PTPRD: variants seen among roughly 807,000 people sequenced by gnomAD.
PTPRD encodes receptor-type tyrosine-protein phosphatase delta.
A neutral mutation model predicts 214.5 loss-of-function variants in PTPRD; 34 were observed. The ratio of observed to expected loss-of-function variants is 0.16; its 90% confidence interval spans 0.12 to 0.21. The LOEUF is 0.21. Among genes scored for constraint, PTPRD ranks in the 10% least tolerant of loss-of-function variants. The probability of loss-of-function intolerance (pLI) is 1.00; values close to 1 mark genes in which losing one functional copy is unlikely to be tolerated. For missense variants in PTPRD, 2,545 were observed against 2,398.7 expected (o/e 1.06, Z -1.27); for synonymous variants, 1,128 against 845.7 (o/e 1.33, Z -5.79).
chr9:9,377,965 A>G (rs1183686820), intron 9 of PTPRD, among the ~76,000 whole-genome samples: 1 of 152,126 alleles, frequency 6.6e-6, no homozygotes, highest in Non-Finnish European at 1.5e-5. Flanking sequence ...TTGAGAGGAA[A>G]GTACAGAGAT....
intron 2 of PTPRD, among the ~76,000 whole-genome samples, chr9:10,591,898 G>A (rs373536204): frequency 7.1e-4 from 108 of 152,206 alleles, no homozygotes; most frequent in African/African-American, 2.5e-3. Context: ...TCCAGACTGA[G>A]TCAGTCCTGA....
intron 3 of PTPRD, among the ~76,000 whole-genome samples, chr9:10,118,196 T>TTATC (rs56038500): frequency 0.29 from 43,168 of 148,728 alleles, 6,274 homozygotes; most frequent in Non-Finnish European, 0.31. Flanking sequence ...CTCACATTTA[T>TTATC]TATCTATCTA....
chr9:9,421,762 T>C (rs1423594196), intron 8 of PTPRD, among the ~76,000 whole-genome samples: 1 of 152,104 alleles, frequency 6.6e-6, no homozygotes, highest in African/African-American at 2.4e-5. Flanking sequence ...TTTGGTATTG[T>C]AGCTAATAGG....
intron 3 of PTPRD, among the ~76,000 whole-genome samples, chr9:10,216,569 G>T (rs945807585): frequency 6.6e-6 from 1 of 151,722 alleles, no homozygotes; most frequent in Non-Finnish European, 1.5e-5. Flanking sequence ...TATGATTTTT[G>T]TTTGGGTCAA....
At chr9:8,343,823 C>T (rs1353300765) in intron 39 of PTPRD, among the ~76,000 whole-genome samples, 2 of 152,048 alleles carry the variant, frequency 1.3e-5, no homozygotes, top group Non-Finnish European at 2.9e-5. Flanking sequence ...AAATTAGTGA[C>T]TGGCTTGAGA....
At position 8,884,075 on chromosome 9, in the gene PTPRD, A is replaced by AT. The variant is rs577501079; in HGVS notation, c.-104+134621dup. ...TATCACAAGTAAAATTCTTATCCCC[A>AT]TTTTACCAAAGGAGTAATTGAGGTT... is the stretch of plus-strand genomic sequence containing the variant. On this transcript the variant is annotated intron_variant, in intron 11 of 45. Coordinates refer to ENST00000381196, the MANE Select transcript of PTPRD (RefSeq NM_002839.4). Among the ~76,000 whole-genome samples the AT allele has an allele frequency of 7.9e-5, 12 of 152,278 alleles. No individual in the cohort carries two copies. In the East Asian group the frequency reaches 2.3e-3, roughly 29 times the overall value.
intron 11 of PTPRD, among the ~76,000 whole-genome samples, chr9:8,812,074 G>A (rs1187729408): frequency 1.3e-5 from 2 of 152,140 alleles, no homozygotes; most frequent in Non-Finnish European, 2.9e-5. Flanking sequence ...AGAGGAGCAG[G>A]CTGCATGTTC....
chr9:8,929,508 T>A (rs1466313623), intron 11 of PTPRD, among the ~76,000 whole-genome samples: 2 of 152,020 alleles, frequency 1.3e-5, no homozygotes, highest in East Asian at 3.9e-4. Flanking sequence ...TTTGCGTATG[T>A]TGAACCTGCC....
At chr9:9,434,070 C>A (rs543138216) in intron 8 of PTPRD, among the ~76,000 whole-genome samples, 1 of 152,226 alleles carries the variant, frequency 6.6e-6, no homozygotes, top group Non-Finnish European at 1.5e-5. Context: ...TGTCAGTCTG[C>A]GGTTTTGCAT....
At chr9:9,422,285 C>G (rs4537356) in intron 8 of PTPRD, among the ~76,000 whole-genome samples, 122,129 of 151,668 alleles carry the variant, frequency 0.81, 49,293 homozygotes, top group Non-Finnish European at 0.81. Flanking sequence ...CAGTTCTGTA[C>G]GATTTAATTC....
At chr9:10,304,348 G>A (rs565071723) in intron 3 of PTPRD, among the ~76,000 whole-genome samples, 30 of 152,184 alleles carry the variant, frequency 2.0e-4, no homozygotes, top group African/African-American at 6.7e-4. Flanking sequence ...TTTGAAAACC[G>A]GCACAAGACA....
At chr9:9,260,586 A>G (rs941273932) in intron 9 of PTPRD, among the ~76,000 whole-genome samples, 4 of 151,524 alleles carry the variant, frequency 2.6e-5, no homozygotes, top group African/African-American at 9.7e-5. Flanking sequence ...TTTGCATTTG[A>G]AAGAGTAGGG....
rs533581918 is a variant in PTPRD, at chr9:10,528,325, T to C, written c.-600+84073A>G. Among the ~76,000 whole-genome samples the C allele has an allele frequency of 2.9e-4, 44 of 152,240 alleles. No individual in the cohort carries two copies. The South Asian group carries it at 8.9e-3, about 31-fold the overall frequency. On this transcript the variant is annotated intron_variant, in intron 2 of 45. Transcript: ENST00000381196. ...TTCAAACTCTCTGGACCTCCCCATC[T>C]CCAGTTTCCACATCTGCTAATCTAC...
At chr9:8,844,763 G>C (rs957376572) in intron 11 of PTPRD, among the ~76,000 whole-genome samples, 1 of 152,276 alleles carries the variant, frequency 6.6e-6, no homozygotes, top group South Asian at 2.1e-4. Flanking sequence ...GAAATTACAT[G>C]AGCTCAATTA....
chr9:9,416,552 T>A (rs982172747), intron 8 of PTPRD, among the ~76,000 whole-genome samples: 1 of 152,130 alleles, frequency 6.6e-6, no homozygotes, highest in African/African-American at 2.4e-5. Context: ...TTTAAGGCTC[T>A]AACTTAGTTG....
intron 10 of PTPRD, among the ~76,000 whole-genome samples, chr9:9,057,294 A>G (rs1183126121): frequency 1.3e-5 from 2 of 152,158 alleles, no homozygotes; most frequent in East Asian, 1.9e-4. Context: ...TGGCAATGAT[A>G]TATTTTTTTT....
At chr9:8,791,897 G>A (rs1429529395) in intron 11 of PTPRD, among the ~76,000 whole-genome samples, 1 of 152,082 alleles carries the variant, frequency 6.6e-6, no homozygotes, top group Non-Finnish European at 1.5e-5. Context: ...TAAGGCCAGG[G>A]AATGACTGCA....
At chr9:9,231,996 T>A (rs778438662) in intron 9 of PTPRD, among the ~76,000 whole-genome samples, 2 of 152,158 alleles carry the variant, frequency 1.3e-5, no homozygotes, top group African/African-American at 2.4e-5. Flanking sequence ...CATCTCCACT[T>A]TTTGTAATTT....
At chr9:10,152,367 G>C (rs191915902) in intron 3 of PTPRD, among the ~76,000 whole-genome samples, 27 of 151,918 alleles carry the variant, frequency 1.8e-4, no homozygotes, top group Admixed American at 3.9e-4. Context: ...TGGATGATTT[G>C]TTTTTATTAT....
Sources: gnomAD v4.1 joint callset for allele counts (sites outside exome capture counted in the v4.1 genomes callset) on GRCh38, gnomAD v4.1.1 for gene constraint, MANE v1.5 for transcripts, NCBI Gene and HGNC (gene_info 2026-07-23, HGNC 2026-07-21) for gene names.